The following FMNL2 variants were observed in gnomAD, a reference collection of about 807,000 sequenced individuals.
FMNL2 encodes the protein formin like 2, also known as formin-like protein 2.
A neutral mutation model predicts 130.2 loss-of-function variants in FMNL2; 51 were observed. The ratio of observed to expected loss-of-function variants is 0.39; its 90% CI spans 0.31 to 0.49. The LOEUF (loss-of-function observed/expected upper bound fraction) is 0.49, where lower values mean the gene tolerates loss of function less well. Among genes scored for constraint, FMNL2 ranks in the 20% least tolerant of loss-of-function variants. The probability of loss-of-function intolerance (pLI) is 0.85; values close to 1 mark genes in which losing one functional copy is unlikely to be tolerated. For missense variants in FMNL2, 977 were observed against 1,316.2 expected (o/e 0.74, Z 3.99); for synonymous variants, 465 against 467.1 (o/e 1.00, Z 0.06).
intron 2 of FMNL2, among the ~76,000 whole-genome samples, 169 bp from the exon 3 acceptor site, chr2:152,542,570 G>A (rs148175462): frequency 6.6e-6 from 1 of 151,998 alleles, no homozygotes; most frequent in African/African-American, 2.4e-5. Flanking sequence ...GCAAAGAGGG[G>A]ATCACATCTA....
chr2:152,639,258 A>G lies in FMNL2; in HGVS notation c.2947-700A>G, dbSNP rs996837421. 1.1e-4 allele frequency among the ~76,000 whole-genome samples: 16 copies of G among 152,314 alleles called. No individual in the cohort carries two copies. In the South Asian group the frequency reaches 2.1e-3, roughly 20 times the overall value. ...CAAAAGCAATGGAGACCCAAATGTA[A>G]ACTTTATTACTGATAACAGCTGGGC... On this transcript the variant is annotated intron_variant, in intron 23 of 25. Transcript: ENST00000288670.
At chr2:152,512,450 G>A (rs529952213) in intron 1 of FMNL2, among the ~76,000 whole-genome samples, 5 of 152,254 alleles carry the variant, frequency 3.3e-5, no homozygotes, top group Non-Finnish European at 5.9e-5. Flanking sequence ...GATGGGCTGC[G>A]GGAGAGCTTG....
chr2:152,432,979 C>T (rs142048964), intron 1 of FMNL2, among the ~76,000 whole-genome samples: 244 of 152,304 alleles, frequency 1.6e-3, no homozygotes, highest in African/African-American at 5.2e-3. Flanking sequence ...CAGGCAGACC[C>T]GGGCTTGAGT....
chr2:152,458,686 G>T (rs115487520), intron 1 of FMNL2, among the ~76,000 whole-genome samples: 6 of 152,164 alleles, frequency 3.9e-5, no homozygotes, highest in African/African-American at 1.4e-4. Flanking sequence ...TTCTGGTATG[G>T]GGTCAAGAAG....
chr2:152,644,818 T>A (rs941869055), intron 25 of FMNL2, among the ~76,000 whole-genome samples: 1 of 152,190 alleles, frequency 6.6e-6, no homozygotes, highest in Non-Finnish European at 1.5e-5. Context: ...AAAATGCCAC[T>A]GTTTTTAAAT....
At chr2:152,610,657 A>G (rs1437847065) in intron 10 of FMNL2, among the ~76,000 whole-genome samples, 1 of 152,180 alleles carries the variant, frequency 6.6e-6, no homozygotes, top group Non-Finnish European at 1.5e-5. Flanking sequence ...ATAATATTCC[A>G]TTGTTTGGAT....
intron 1 of FMNL2, among the ~76,000 whole-genome samples, chr2:152,457,882 T>G (rs1689043196): frequency 1.3e-5 from 2 of 152,156 alleles, no homozygotes; most frequent in Admixed American, 6.5e-5. Flanking sequence ...TCCTCCATAT[T>G]CAATGCAAAT....
intron 1 of FMNL2, among the ~76,000 whole-genome samples, chr2:152,337,303 T>C (rs1681528550): frequency 6.6e-6 from 1 of 152,132 alleles, no homozygotes; most frequent in Admixed American, 6.5e-5. Context: ...ACCCTCTTCC[T>C]ACTAGACATA....
chr2:152,516,273 G>A (rs534697536), intron 1 of FMNL2, among the ~76,000 whole-genome samples: 2 of 152,102 alleles, frequency 1.3e-5, no homozygotes, highest in Non-Finnish European at 2.9e-5. Flanking sequence ...CTTAAAAATG[G>A]TTATGAGGTA....
At chr2:152,642,072 C>T (rs1277797634) in intron 25 of FMNL2, among the ~76,000 whole-genome samples, 1 of 152,026 alleles carries the variant, frequency 6.6e-6, no homozygotes, top group African/African-American at 2.4e-5. Flanking sequence ...TCCCAAGTAG[C>T]TGGGACTACA....
chr2:152,586,819 T>A (rs557636483), intron 9 of FMNL2, among the ~76,000 whole-genome samples: 2 of 152,306 alleles, frequency 1.3e-5, no homozygotes, highest in South Asian at 4.1e-4. Context: ...GTTTATCAAC[T>A]GTTGCAATTT....
intron 7 of FMNL2, among the ~76,000 whole-genome samples, chr2:152,578,242 A>G (rs1696582543): frequency 6.6e-6 from 1 of 152,084 alleles, no homozygotes; most frequent in Non-Finnish European, 1.5e-5. Context: ...AATATAGTTG[A>G]CCCTTGAATT....
chr2:152,348,525 A>T (rs1452582513), intron 1 of FMNL2, among the ~76,000 whole-genome samples: 1 of 152,208 alleles, frequency 6.6e-6, no homozygotes, highest in African/African-American at 2.4e-5. Flanking sequence ...TATTAATTGC[A>T]CATAACTTGC....
intron 1 of FMNL2, among the ~76,000 whole-genome samples, chr2:152,495,958 CATACCTT>C (rs1259003909): frequency 6.6e-6 from 1 of 152,002 alleles, no homozygotes; most frequent in Non-Finnish European, 1.5e-5. Context: ...TCTATCAGCC[CATACCTT>C]ATAGGTGGCA....
At chr2:152,384,001 A>G (rs1383624531) in intron 1 of FMNL2, among the ~76,000 whole-genome samples, 1 of 152,234 alleles carries the variant, frequency 6.6e-6, no homozygotes, top group Middle Eastern at 3.2e-3. Flanking sequence ...TATGTCTAGT[A>G]AAAATCTCAC....
intron 1 of FMNL2, among the ~76,000 whole-genome samples, chr2:152,457,714 T>G (rs1689035528): frequency 1.3e-5 from 2 of 152,356 alleles, no homozygotes; most frequent in African/African-American, 2.4e-5. Context: ...TTTATCATTT[T>G]ATAGTTCTGG....
intron 1 of FMNL2, among the ~76,000 whole-genome samples, chr2:152,347,928 G>GTT (rs11384938): frequency 0.012 from 1,761 of 148,054 alleles, 11 homozygotes; most frequent in Non-Finnish European, 0.015. Context: ...TAACTTGGAA[G>GTT]TTTTTTTTTT....
At chr2:152,533,860 G>T (rs930679553) in intron 2 of FMNL2, among the ~76,000 whole-genome samples, 2 of 151,930 alleles carry the variant, frequency 1.3e-5, no homozygotes, top group Non-Finnish European at 2.9e-5. Context: ...ATGATTTTGG[G>T]TGCTATTTTA....
chr2:152,448,220 C>T (rs1688454726), intron 1 of FMNL2, among the ~76,000 whole-genome samples: 1 of 151,246 alleles, frequency 6.6e-6, no homozygotes, highest in East Asian at 1.9e-4. Context: ...AAAAAAAACA[C>T]ATAATAACAG....
Sources: gnomAD v4.1 joint callset for allele counts (sites outside exome capture counted in the v4.1 genomes callset) on GRCh38, gnomAD v4.1.1 for gene constraint, MANE v1.5 for transcripts, NCBI Gene and HGNC (gene_info 2026-07-23, HGNC 2026-07-21) for gene names.